Variants in PPP4R4 observed in about 807,000 individuals in gnomAD.
PPP4R4 encodes serine/threonine-protein phosphatase 4 regulatory subunit 4.
Under a neutral mutation model 121.8 loss-of-function variants are expected in PPP4R4, and 70 were observed. That is an observed-to-expected ratio of 0.57 (90% CI 0.47 to 0.70). PPP4R4 has a LOEUF of 0.70. Ranked by LOEUF, PPP4R4 falls within the 30% of genes least tolerant of loss-of-function variation. The pLI, the probability that PPP4R4 is intolerant of heterozygous loss-of-function variation, is 0.00. For synonymous variants in PPP4R4, 348 were observed against 355.7 expected, an observed-to-expected ratio of 0.98 and a Z score of 0.24; for missense variants, 875 against 1,033.6, an observed-to-expected ratio of 0.85 and a Z score of 2.10.
Position 94,265,431 on chromosome 14 carries a change from C to T in PPP4R4, c.2242C>T (p.Pro748Ser), listed in dbSNP as rs751511100. The T allele has an allele frequency of 2.9e-5, 46 of 1,613,066 alleles. No homozygotes were observed. The highest frequency in any genetic ancestry group is 3.6e-5 in the Non-Finnish European group (42 of 1,179,222). ...TPTQSLPKNIPISVPGPSSVT... is the reference protein window; with the variant it reads ...TPTQSLPKNISISVPGPSSVT... ...AACGCAAAGTCTGCCCAAGAACATC[C>T]CCATTTCTGTTCCTGGACCCTCTTC... The change falls in exon 21 of 25, where the codon CCC becomes TCC. Residue 748 changes from proline to serine, a missense_variant. By Grantham distance (74) the Pro-to-Ser change is moderately conservative. Transcript: ENST00000304338.
chr14:94,257,789 G>T (rs1049617848), intron 17 of PPP4R4, among the ~76,000 whole-genome samples: 3 of 151,956 alleles, frequency 2.0e-5, no homozygotes, highest in South Asian at 4.1e-4. Flanking sequence ...TACTTTTCCA[G>T]AATAATTTAT....
chr14:94,197,840 T>C (rs1424254459), intron 2 of PPP4R4, among the ~76,000 whole-genome samples: 1 of 152,218 alleles, frequency 6.6e-6, no homozygotes, highest in Non-Finnish European at 1.5e-5. Context: ...ATGGCTTCTT[T>C]CATTCAGTGT....
At chr14:94,265,551 A>T in intron 21 of PPP4R4, 78 bp downstream of exon 21, 1 of 1,232,916 alleles carries the variant, frequency 8.1e-7, no homozygotes, top group Non-Finnish European at 1.2e-6. Flanking sequence ...TCACTCTATT[A>T]GATGAGATAC....
intron 3 of PPP4R4, among the ~76,000 whole-genome samples, chr14:94,221,128 C>A (rs1410809265): frequency 6.6e-6 from 1 of 152,066 alleles, no homozygotes; most frequent in Non-Finnish European, 1.5e-5. Flanking sequence ...GGGGCAAAGG[C>A]AATTCATTAT....
intron 23 of PPP4R4, among the ~76,000 whole-genome samples, chr14:94,274,416 T>C (rs1894521352): frequency 6.6e-6 from 1 of 152,114 alleles, no homozygotes; most frequent in African/African-American, 2.4e-5. Flanking sequence ...CCAGAATATA[T>C]ACAAAGATGT....
intron 2 of PPP4R4, among the ~76,000 whole-genome samples, chr14:94,180,673 A>G (rs1888930049): frequency 7.1e-6 from 1 of 140,956 alleles, no homozygotes; most frequent in African/African-American, 2.7e-5. Flanking sequence ...TGCAGTGGCT[A>G]TTCACAGGCA....
At chr14:94,179,859 T>A (rs919122263) in intron 2 of PPP4R4, among the ~76,000 whole-genome samples, 25 of 152,382 alleles carry the variant, frequency 1.6e-4, no homozygotes, top group Admixed American at 1.6e-3. Flanking sequence ...CTTGTTGTTG[T>A]TCTTTCTTGT....
chr14:94,251,756 C>A lies in PPP4R4; in HGVS notation c.1725C>A (p.Gly575=). 6.5e-7 allele frequency: 1 copy of A among 1,540,116 alleles called. No homozygotes were observed. Among genetic ancestry groups the A allele is most frequent in the Non-Finnish European group, 8.7e-7 (1 of 1,147,336 alleles). The change falls in exon 16 of 25, where the codon GGC becomes GGA. Residue 575 remains glycine, a synonymous_variant. Transcript: ENST00000304338. ...TTTTGTTGTTGTTTCTAGAATTGGG[C>A]CAAGGAAAAAGTTACTGGAATAGAC... The part of the protein sequence containing the change: ...EVIQKLIEQL[G]QGKSYWNRLR...
intron 2 of PPP4R4, among the ~76,000 whole-genome samples, chr14:94,203,217 C>T (rs1408175396): frequency 3.3e-5 from 5 of 152,112 alleles, no homozygotes. Flanking sequence ...TCTCCTTAGC[C>T]CCTGGAATTC....
At chr14:94,268,842 C>T (rs1894174587) in intron 23 of PPP4R4, among the ~76,000 whole-genome samples, 1 of 152,084 alleles carries the variant, frequency 6.6e-6, no homozygotes, top group South Asian at 2.1e-4. Context: ...CGGGTCCCTC[C>T]CACAACACAT....
At chr14:94,232,246 C>T (rs1056253510) in intron 5 of PPP4R4, among the ~76,000 whole-genome samples, 1 of 152,090 alleles carries the variant, frequency 6.6e-6, no homozygotes, top group African/African-American at 2.4e-5. Flanking sequence ...TTCCTATATA[C>T]ATTTCTTTCC....
rs564921379 is a variant in PPP4R4, at chr14:94,221,374, C to A, written c.295-9213C>A. Among the ~76,000 whole-genome samples, 3 of 152,196 alleles carry A rather than the reference C, an allele frequency of 2.0e-5. No individual in the cohort carries two copies. In the South Asian group the frequency reaches 6.2e-4, roughly 31 times the overall value. On this transcript the variant is annotated intron_variant, in intron 3 of 24. Transcript: ENST00000304338. ...AGAAGAAAAATTTGATAAATTAGAT[C>A]TGTTCTTCAGAAGACACTATTAAGT...
chr14:94,217,964 A>G (rs1342459867), intron 3 of PPP4R4, among the ~76,000 whole-genome samples: 1 of 152,238 alleles, frequency 6.6e-6, no homozygotes, highest in African/African-American at 2.4e-5. Flanking sequence ...ATTGCACTCT[A>G]GCATAGGCAA....
chr14:94,257,102 A>G (rs1160473648), intron 17 of PPP4R4, among the ~76,000 whole-genome samples: 1 of 152,110 alleles, frequency 6.6e-6, no homozygotes, highest in African/African-American at 2.4e-5. Flanking sequence ...GGACTAGAAT[A>G]GAGACCTCTT....
Position 94,256,494 on chromosome 14 carries a change from T to A in PPP4R4, c.1900T>A (p.Ser634Thr). Reference protein sequence around the residue: ...KLCYLLPKVKSTLKIPADKHL... With the variant: ...KLCYLLPKVKTTLKIPADKHL... Reference sequence around the variant, plus strand: ...TTGCTACCTGTTGCCCAAAGTGAAATCTACTCTGAAGATTCCTGCTGATAA... The same window carrying A: ...TTGCTACCTGTTGCCCAAAGTGAAAACTACTCTGAAGATTCCTGCTGATAA... Residue 634 changes from serine to threonine, a missense_variant, in exon 17 of 25, where the codon TCT (serine) becomes ACT (threonine). Ser to Thr is a moderately conservative substitution (Grantham distance 58, BLOSUM62 1). Transcript: ENST00000304338. 1 of 1,603,272 alleles carries A rather than the reference T, an allele frequency of 6.2e-7. No homozygotes were observed. The highest frequency in any genetic ancestry group is 8.5e-7 in the Non-Finnish European group (1 of 1,171,576).
Position 94,266,831 on chromosome 14 carries a change from A to G in PPP4R4, c.2379-128A>G, listed in dbSNP as rs866574680. 3 of 635,736 alleles carry G rather than the reference A, an allele frequency of 4.7e-6. No individual in the cohort carries two copies. In the South Asian group the frequency reaches 6.2e-5, roughly 13 times the overall value. The allele number at this position is 635,736 out of a possible 1,614,324, so 39.4% of individuals were successfully genotyped here. A position where few individuals can be genotyped will look rare whatever the true frequency, so the allele number is the denominator to read the frequency against. On this transcript the variant is annotated intron_variant, in intron 22 of 24. Transcript: ENST00000304338. Reference sequence around the variant, plus strand: ...CATGAATATAAAAAAAATGAGAAATAAAAGCAACAAACGTTTCATAAGTAG... The same window carrying G: ...CATGAATATAAAAAAAATGAGAAATGAAAGCAACAAACGTTTCATAAGTAG...
intron 10 of PPP4R4, 104 bp downstream of exon 10, chr14:94,242,061 C>T: frequency 8.2e-7 from 1 of 1,215,634 alleles, no homozygotes; most frequent in Non-Finnish European, 1.2e-6. Flanking sequence ...TTGCTGCTTG[C>T]ATTATGTCTA....
intron 3 of PPP4R4, among the ~76,000 whole-genome samples, chr14:94,217,815 A>G (rs1304181023): frequency 6.6e-6 from 1 of 152,036 alleles, no homozygotes; most frequent in African/African-American, 2.4e-5. Context: ...ACCAACATGG[A>G]GAAACCCCAT....
intron 20 of PPP4R4, 61 bp downstream of exon 20, chr14:94,265,008 TC>T: frequency 3.2e-6 from 4 of 1,243,592 alleles, no homozygotes; most frequent in Non-Finnish European, 4.6e-6. Context: ...ATCCTGGTAT[TC>T]TGAAAGACCA....
Sources: gnomAD v4.1 joint callset for allele counts (sites outside exome capture counted in the v4.1 genomes callset) on GRCh38, gnomAD v4.1.1 for gene constraint, MANE v1.5 for transcripts, NCBI Gene and HGNC (gene_info 2026-07-23, HGNC 2026-07-21) for gene names.